The following MYL5 variants were observed in gnomAD, a reference collection of about 807,000 sequenced individuals.
MYL5 encodes myosin light chain 5, also known as myosin regulatory light chain 5.
In MYL5, 28 loss-of-function variants were observed where a neutral mutation model predicts 20.8. The ratio of observed to expected loss-of-function variants is 1.35; its 90% CI spans 1.00 to 1.84. MYL5 has a LOEUF of 1.84. Among genes scored for constraint, MYL5 ranks in the 40% most tolerant of loss-of-function variants. The probability of loss-of-function intolerance (pLI) is 0.00; values close to 1 mark genes in which losing one functional copy is unlikely to be tolerated. For synonymous variants in MYL5, 118 were observed against 87.4 expected, an observed-to-expected ratio of 1.35 and a Z score of -1.95; for missense variants, 274 against 227.3, an observed-to-expected ratio of 1.21 and a Z score of -1.32.
chr4:678,195 CGTGT>C lies in MYL5; in HGVS notation c.3+172_3+175del, dbSNP rs1281350294. ...GTGTGTGCATGAGCGTGTGTATGTG[CGTGT>C]GTGTGACCTTGCGGGTGTGGGCTGT... On this transcript the variant is annotated intron_variant, in intron 1 of 6. Transcript: ENST00000400159. The C allele has an allele frequency of 5.9e-6, 9 of 1,522,848 alleles. No individual in the cohort carries two copies. The African/African-American group carries it at 6.9e-5, about 12-fold the overall frequency. The allele number at this position is 1,522,848 out of a possible 1,614,324, so 94.3% of individuals were successfully genotyped here.
chr4:677,496 C>A (rs756431505), upstream of MYL5, among the ~76,000 whole-genome samples: 1 of 152,202 alleles, frequency 6.6e-6, no homozygotes, highest in Admixed American at 6.5e-5. Flanking sequence ...TGAGGTCAGA[C>A]GGGGTGGTCC....
rs966683052 is a variant in MYL5, at chr4:678,595, T to C, written c.4-63T>C. 3 of 1,550,306 alleles carry C rather than the reference T, an allele frequency of 1.9e-6. No homozygotes were observed. In the African/African-American group the frequency reaches 4.1e-5, roughly 21 times the overall value. ...ATCTGAGTTAAGTCTCTCAAAACTC[T>C]GGGTGCCCTGGAGGGTTTCGTCAGC... On this transcript the variant is annotated intron_variant, in intron 1 of 6. Transcript: ENST00000400159.
rs767484515 is a variant in MYL5 at position 681,915 on chromosome 4, C to G, written c.443C>G (p.Ala148Gly). 1.1e-5 allele frequency: 15 copies of G among 1,319,562 alleles called. No homozygotes were observed. The South Asian group carries it at 4.1e-4, about 36-fold the overall frequency. The allele number at this position is 1,319,562 out of a possible 1,614,324, so 81.7% of individuals were successfully genotyped here. A position where few individuals can be genotyped will look rare whatever the true frequency, so the allele number is the denominator to read the frequency against. ...CAGGTGGACCAGATGTTCCAGTTCG[C>G]CTCCATCGATGTGGCGGGCAACCTG... Residue 148 changes from alanine to glycine, a missense_variant, in exon 7 of 7, where the codon GCC (alanine) becomes GGC (glycine). By Grantham distance (60) the Ala-to-Gly change is moderately conservative. Transcript: ENST00000400159.
Position 681,086 on chromosome 4 carries a change from C to T in MYL5, c.372-6C>T, listed in dbSNP as rs775710050. 25 of 1,599,374 alleles carry T rather than the reference C, an allele frequency of 1.6e-5. No individual in the cohort carries two copies. In the East Asian group the frequency reaches 2.7e-4, roughly 17 times the overall value. On this transcript the variant is annotated splice_polypyrimidine_tract_variant and splice_region_variant and intron_variant, in intron 5 of 6. Transcript: ENST00000400159. ...AGCCCGCGCTGACCCCTTTCCTCGT[C>T]CTCAGCATCAAGCGTCTGCTGATGT...
chr4:679,038 G>A lies in MYL5; in HGVS notation c.187+5G>A, dbSNP rs766556367. On this transcript the variant is annotated splice_donor_5th_base_variant and intron_variant, in intron 3 of 6. Coordinates refer to ENST00000400159, the Ensembl canonical transcript of MYL5. ...AGGACACCTATGCCTCCCTGGGTAG[G>A]TACCCAGGCAGAACGCCTCAGAGCC... is the stretch of plus-strand genomic sequence containing the variant. 1.9e-6 allele frequency: 3 copies of A among 1,612,646 alleles called. No homozygotes were observed. The highest frequency in any genetic ancestry group is 2.5e-6 in the Non-Finnish European group (3 of 1,179,060).
chr4:678,958 G>T, exon 3 of MYL5: 4 of 1,613,780 alleles, frequency 2.5e-6, no homozygotes, highest in Non-Finnish European at 3.4e-6. Context: ...TGGTCCCCAG[G>T]CATTCACACT....
chr4:678,077 T>C lies in MYL5; in HGVS notation c.3+48T>C, dbSNP rs559767585. On this transcript the variant is annotated intron_variant, in intron 1 of 6. Transcript: ENST00000400159. ...CTGGGGCAGGCGTGTGGGTGTGAGC[T>C]GTGCTGTGCATGTGTACATGCGCAC... 5.0e-6 allele frequency: 8 copies of C among 1,609,098 alleles called. No individual in the cohort carries two copies. In the East Asian group the frequency reaches 1.6e-4, roughly 32 times the overall value.
At chr4:678,601 C>T (rs766720448) in intron 1 of MYL5, 57 bp from the exon 4 acceptor site, 4 of 1,557,566 alleles carry the variant, frequency 2.6e-6, no homozygotes, top group African/African-American at 1.4e-5. Flanking sequence ...ACTCTGGGTG[C>T]CCTGGAGGGT....
upstream of MYL5, chr4:674,571 T>G: frequency 4.8e-6 from 2 of 416,440 alleles, no homozygotes; most frequent in African/African-American, 2.2e-5. Flanking sequence ...GGTCCGCTGT[T>G]TCCCCGCGCT....
chr4:679,809 C>A, intron 3 of MYL5, 105 bp from the exon 6 acceptor site: 1 of 939,776 alleles, frequency 1.1e-6, no homozygotes, highest in Non-Finnish European at 1.7e-6. Flanking sequence ...CCCGCTCCCT[C>A]CCCACCCTTC....
At position 680,592 on chromosome 4, in the gene MYL5, GTGCCCGGGC is replaced by G; in HGVS notation, c.371+6_371+14del. The stretch of plus-strand genomic sequence containing the variant: ...AGGGAAAATCAACAAGGAGTAGTGA[GTGCCCGGGC>G]GGCCAGGGCGGCCCGGCTTCCGGGG... On this transcript the variant is annotated splice_donor_region_variant and intron_variant, in intron 5 of 6. Transcript: ENST00000400159. The G allele has an allele frequency of 6.2e-7, 1 of 1,612,122 alleles. No homozygotes were observed.
At chr4:681,683 C>CT (rs1405727773) in intron 6 of MYL5, 2 of 45,750 alleles carry the variant, frequency 4.4e-5, no homozygotes, top group African/African-American at 1.9e-4. Context: ...CAGCGCCGCC[C>CT]CGCCCCCTCC....
rs756429557 is a variant in MYL5 at position 681,941 on chromosome 4, G to A, written c.469G>A (p.Asp157Asn). The stretch of plus-strand genomic sequence containing the variant: ...CTCCATCGATGTGGCGGGCAACCTG[G>A]ACTACAAGGCGCTCAGCTACGTGAT... Residue 157 changes from aspartate (D) to asparagine (N), a missense_variant, in exon 7 of 7, where the codon GAC becomes AAC. By Grantham distance (23) the Asp-to-Asn change is conservative. Transcript: ENST00000400159. 7 of 1,335,356 alleles carry A rather than the reference G, an allele frequency of 5.2e-6. No homozygotes were observed. In the Admixed American group the frequency reaches 1.2e-4, roughly 23 times the overall value. The allele number at this position is 1,335,356 out of a possible 1,614,324, so 82.7% of individuals were successfully genotyped here.
upstream of MYL5, chr4:676,183 C>G (rs1192894811): frequency 6.6e-6 from 1 of 152,264 alleles, no homozygotes; most frequent in African/African-American, 2.4e-5. Flanking sequence ...GGCAAGCCCC[C>G]GCTTCCGCCA....
intron 1 of MYL5, 58 bp downstream of exon 3, chr4:678,087 A>G: frequency 6.2e-7 from 1 of 1,601,898 alleles, no homozygotes; most frequent in South Asian, 1.1e-5. Flanking sequence ...TGTGCTGTGC[A>G]TGTGTACATG....
At chr4:681,240 G>A in intron 6 of MYL5, 100 bp downstream of exon 8, 2 of 1,428,490 alleles carry the variant, frequency 1.4e-6, no homozygotes, top group South Asian at 1.2e-5. Context: ...GCAGCGCCGC[G>A]GTTAGGACCC....
chr4:676,529 AGCT>A (rs1390062804), upstream of MYL5: 2 of 152,240 alleles, frequency 1.3e-5, no homozygotes, highest in African/African-American at 4.8e-5. Flanking sequence ...CTGTCAGGTC[AGCT>A]GTGGGTGCAG....
intron 6 of MYL5, among the ~76,000 whole-genome samples, chr4:681,496 C>T (rs886503432): frequency 4.7e-5 from 7 of 150,272 alleles, no homozygotes; most frequent in Non-Finnish European, 1.0e-4. Flanking sequence ...CCGGGCCACC[C>T]CTCAGGACCC....
chr4:678,581 G>T, intron 1 of MYL5, 77 bp from the exon 4 acceptor site: 1 of 1,535,662 alleles, frequency 6.5e-7, no homozygotes, highest in Admixed American at 2.1e-5. Context: ...TCTGAGTTAA[G>T]TCTCTCAAAA....
Sources: gnomAD v4.1 joint callset for allele counts (sites outside exome capture counted in the v4.1 genomes callset) on GRCh38, gnomAD v4.1.1 for gene constraint, MANE v1.5 for transcripts, NCBI Gene and HGNC (gene_info 2026-07-23, HGNC 2026-07-21) for gene names.